Variants in CNTNAP5 observed in about 807,000 individuals in gnomAD.
CNTNAP5 encodes contactin-associated protein-like 5.
A neutral mutation model predicts 150.2 loss-of-function variants in CNTNAP5; 72 were observed. The ratio of observed to expected loss-of-function variants is 0.48; its 90% CI spans 0.40 to 0.58. The LOEUF is 0.58. CNTNAP5 is among the 20% of genes least tolerant of loss of function. The pLI is 0.00. For missense variants in CNTNAP5, 1,636 were observed against 1,626.2 expected, an observed-to-expected ratio of 1.01 and a Z score of -0.10; for synonymous variants, 672 against 619.8, an observed-to-expected ratio of 1.08 and a Z score of -1.25.
At chr2:124,398,219 T>C (rs1691307444) in intron 3 of CNTNAP5, among the ~76,000 whole-genome samples, 1 of 152,118 alleles carries the variant, frequency 6.6e-6, no homozygotes, top group Non-Finnish European at 1.5e-5. Context: ...CCAACCTAAA[T>C]ACAGACATTC....
At chr2:124,428,468 A>G (rs1300668461) in intron 4 of CNTNAP5, among the ~76,000 whole-genome samples, 1 of 152,196 alleles carries the variant, frequency 6.6e-6, no homozygotes, top group East Asian at 1.9e-4. Flanking sequence ...CTTTGGGAAG[A>G]TGGTGGGGAT....
At chr2:124,601,748 G>A (rs146507073) in intron 11 of CNTNAP5, among the ~76,000 whole-genome samples, 24 of 152,240 alleles carry the variant, frequency 1.6e-4, no homozygotes, top group South Asian at 2.1e-4. Flanking sequence ...AGCTTAAAAC[G>A]GAAACAACCC....
chr2:124,252,117 T>A (rs1687195567), intron 3 of CNTNAP5, among the ~76,000 whole-genome samples: 2 of 152,168 alleles, frequency 1.3e-5, no homozygotes, highest in Non-Finnish European at 2.9e-5. Flanking sequence ...CCCTATCTAG[T>A]GCATATTTTT....
chr2:124,153,232 G>A (rs1342765577), intron 1 of CNTNAP5, among the ~76,000 whole-genome samples: 1 of 152,178 alleles, frequency 6.6e-6, no homozygotes, highest in African/African-American at 2.4e-5. Flanking sequence ...GAATTAGAAA[G>A]CAAACATGAA....
At chr2:124,814,569 A>G (rs1222542908) in intron 19 of CNTNAP5, among the ~76,000 whole-genome samples, 1 of 151,074 alleles carries the variant, frequency 6.6e-6, no homozygotes, top group Non-Finnish European at 1.5e-5. Flanking sequence ...TCTTTTAAAA[A>G]TAGGGCATTT....
intron 14 of CNTNAP5, among the ~76,000 whole-genome samples, chr2:124,754,426 C>T (rs80168023): frequency 0.025 from 3,838 of 152,146 alleles, 88 homozygotes; most frequent in Middle Eastern, 0.13. Context: ...TCCCTGAATT[C>T]CCAGACACAT....
At chr2:124,812,379 T>C (rs1478696882) in intron 19 of CNTNAP5, among the ~76,000 whole-genome samples, 1 of 150,326 alleles carries the variant, frequency 6.7e-6, no homozygotes, top group Non-Finnish European at 1.5e-5. Context: ...GTGATCAGAG[T>C]GGAATCCCTC....
Position 124,142,966 on chromosome 2 carries a change from C to T in CNTNAP5, c.83-78739C>T, listed in dbSNP as rs1410096205. On this transcript the variant is annotated intron_variant, in intron 1 of 23. Coordinates refer to ENST00000682447, the MANE Select transcript of CNTNAP5 (RefSeq NM_001367498.1). ...AAAAATGATAAAGGGGATATCACCACCAATCCCACAGAAATACAAACTACC... is the reference window on the plus strand; with the variant it reads ...AAAAATGATAAAGGGGATATCACCATCAATCCCACAGAAATACAAACTACC... 9.7e-4 allele frequency among the ~76,000 whole-genome samples: 109 copies of T among 112,584 alleles called. 1 individual carries two copies. The highest frequency in any genetic ancestry group is 3.6e-3 in the African/African-American group (99 of 27,608). 73.9% of individuals were successfully genotyped at this position (112,584 alleles called of 152,430 possible).
chr2:124,082,480 C>G (rs192396922), intron 1 of CNTNAP5, among the ~76,000 whole-genome samples: 1 of 151,824 alleles, frequency 6.6e-6, no homozygotes, highest in Admixed American at 6.6e-5. Flanking sequence ...CTTTTCTTTC[C>G]CATTTACTTA....
intron 16 of CNTNAP5, among the ~76,000 whole-genome samples, chr2:124,768,289 G>GTA (rs1681111173): frequency 6.9e-6 from 1 of 145,932 alleles, no homozygotes; most frequent in Non-Finnish European, 1.5e-5. Flanking sequence ...GTGTGTGTGT[G>GTA]TGTGTGTGTG....
intron 21 of CNTNAP5, among the ~76,000 whole-genome samples, chr2:124,887,565 A>G (rs1224042978): frequency 1.3e-5 from 2 of 152,122 alleles, no homozygotes; most frequent in East Asian, 3.9e-4. Flanking sequence ...TGTATGTATT[A>G]TATGCTTTTA....
At chr2:124,648,986 A>G (rs550529870) in intron 13 of CNTNAP5, among the ~76,000 whole-genome samples, 1 of 152,346 alleles carries the variant, frequency 6.6e-6, no homozygotes, top group African/African-American at 2.4e-5. Flanking sequence ...TCCTTGATCT[A>G]GGATCTTCAG....
chr2:124,667,882 C>A (rs967977076), intron 13 of CNTNAP5, among the ~76,000 whole-genome samples: 1 of 152,198 alleles, frequency 6.6e-6, no homozygotes, highest in Admixed American at 6.5e-5. Context: ...AGAGTGGCAT[C>A]CTTGAGACAG....
intron 10 of CNTNAP5, among the ~76,000 whole-genome samples, chr2:124,557,586 C>T (rs868354455): frequency 5.3e-5 from 8 of 152,052 alleles, no homozygotes; most frequent in African/African-American, 1.4e-4. Flanking sequence ...CAACAAGCAG[C>T]GCTCTTATGG....
At chr2:124,407,377 G>A (rs1490587902) in intron 3 of CNTNAP5, among the ~76,000 whole-genome samples, 1 of 152,018 alleles carries the variant, frequency 6.6e-6, no homozygotes, top group Admixed American at 6.6e-5. Context: ...TTTTTTGAGG[G>A]TGGGTTGTAG....
intron 11 of CNTNAP5, among the ~76,000 whole-genome samples, chr2:124,580,912 T>A (rs1696396648): frequency 6.6e-6 from 1 of 151,600 alleles, no homozygotes; most frequent in Non-Finnish European, 1.5e-5. Context: ...ATACAGGGAG[T>A]GAGGAGAAGC....
At chr2:124,862,071 C>T (rs1677537446) in intron 19 of CNTNAP5, among the ~76,000 whole-genome samples, 1 of 152,214 alleles carries the variant, frequency 6.6e-6, no homozygotes, top group Non-Finnish European at 1.5e-5. Flanking sequence ...GCCTTGGCCT[C>T]CCAAAGTGCT....
At chr2:124,025,909 T>C (rs1324872695) in intron 1 of CNTNAP5, among the ~76,000 whole-genome samples, 177 bp downstream of exon 1, 1 of 152,116 alleles carries the variant, frequency 6.6e-6, no homozygotes, top group Non-Finnish European at 1.5e-5. Flanking sequence ...AGAGCTCAAA[T>C]GAGCCAACCG....
intron 1 of CNTNAP5, among the ~76,000 whole-genome samples, chr2:124,216,467 C>T (rs890160226): frequency 1.3e-5 from 2 of 151,774 alleles, no homozygotes; most frequent in African/African-American, 4.8e-5. Flanking sequence ...TATACATGTG[C>T]CATGTTGGTG....
Sources: allele counts gnomAD v4.1 joint callset (sites outside exome capture counted in the v4.1 genomes callset), GRCh38; gene constraint gnomAD v4.1.1; transcripts MANE v1.5; gene names NCBI Gene and HGNC (gene_info 2026-07-23, HGNC 2026-07-21).